RHOJ: variants seen among roughly 807,000 people sequenced by gnomAD.
The protein encoded by RHOJ is rho-related GTP-binding protein RhoJ.
In RHOJ, 11 loss-of-function variants were observed where a neutral mutation model predicts 23.4. That is an observed-to-expected ratio of 0.47 (90% CI 0.30 to 0.78). RHOJ has a LOEUF of 0.78. Among genes scored for constraint, RHOJ ranks in the 30% least tolerant of loss-of-function variants. The pLI, the probability that RHOJ is intolerant of heterozygous loss-of-function variation, is 0.08. For synonymous variants in RHOJ, 102 were observed against 102.7 expected, an observed-to-expected ratio of 0.99 and a Z score of 0.04; for missense variants, 254 against 273.4, an observed-to-expected ratio of 0.93 and a Z score of 0.50.
At chr14:63,266,565 T>C (rs1048511104) in intron 1 of RHOJ, among the ~76,000 whole-genome samples, 2 of 152,226 alleles carry the variant, frequency 1.3e-5, no homozygotes, top group Non-Finnish European at 2.9e-5. Context: ...TCCATGAGCA[T>C]GGAATGTTTT....
At chr14:63,208,153 A>G (rs1314316555) in intron 1 of RHOJ, among the ~76,000 whole-genome samples, 1 of 152,232 alleles carries the variant, frequency 6.6e-6, no homozygotes, top group Non-Finnish European at 1.5e-5. Flanking sequence ...GTTTTGCATG[A>G]GTAAAAACTA....
intron 1 of RHOJ, among the ~76,000 whole-genome samples, chr14:63,246,805 A>G (rs1360754153): frequency 1.3e-5 from 2 of 152,184 alleles, no homozygotes; most frequent in African/African-American, 4.8e-5. Flanking sequence ...CAGCCTAGGA[A>G]TCTAAACGTA....
chr14:63,222,618 G>A (rs901646919), intron 1 of RHOJ, among the ~76,000 whole-genome samples: 3 of 152,246 alleles, frequency 2.0e-5, no homozygotes, highest in African/African-American at 7.2e-5. Flanking sequence ...CTGTGTAAAT[G>A]TCTTCTTTTG....
intron 1 of RHOJ, among the ~76,000 whole-genome samples, chr14:63,260,847 T>C (rs1594769788): frequency 6.6e-6 from 1 of 151,210 alleles, no homozygotes; most frequent in East Asian, 1.9e-4. Flanking sequence ...GTACAGGTTT[T>C]TTTTTTTTAC....
At chr14:63,222,047 C>T (rs1371508060) in intron 1 of RHOJ, among the ~76,000 whole-genome samples, 1 of 143,954 alleles carries the variant, frequency 6.9e-6, no homozygotes, top group Non-Finnish European at 1.5e-5. Context: ...TTGTTCAATT[C>T]CCACCTATGA....
chr14:63,280,223 C>G lies in RHOJ; in HGVS notation c.238-748C>G, dbSNP rs1881854358. Among the ~76,000 whole-genome samples the G allele has an allele frequency of 2.6e-5, 4 of 152,220 alleles. No homozygotes were observed. In the South Asian group the frequency reaches 8.3e-4, roughly 32 times the overall value. On this transcript the variant is annotated intron_variant, in intron 2 of 4. Coordinates refer to ENST00000316754, the MANE Select transcript of RHOJ (RefSeq NM_020663.5). Reference sequence around the variant, plus strand: ...ATTTTTTTGTAGAGATAGGGTCTCGCTATATTGCCCAGGCTGATCTCAAGC... The same window carrying G: ...ATTTTTTTGTAGAGATAGGGTCTCGGTATATTGCCCAGGCTGATCTCAAGC...
At chr14:63,225,224 T>G (rs971528357) in intron 1 of RHOJ, among the ~76,000 whole-genome samples, 1 of 152,180 alleles carries the variant, frequency 6.6e-6, no homozygotes, top group East Asian at 1.9e-4. Flanking sequence ...GTGCTGAGAT[T>G]ACAGGCGCAA....
chr14:63,291,095 G>C lies in RHOJ; in HGVS notation c.*71G>C. The C allele has an allele frequency of 6.3e-7, 1 of 1,575,820 alleles. No homozygotes were observed. Among genetic ancestry groups the C allele is most frequent in the Non-Finnish European group, 8.7e-7 (1 of 1,150,512 alleles). On this transcript the variant is annotated 3_prime_UTR_variant, in exon 5 of 5. Transcript: ENST00000316754. ...AGCCAATCTCTGTGGCCAAGCTCCA[G>C]CCAAAAAGGAGGGCACGACCAGAAA... is the stretch of plus-strand genomic sequence containing the variant.
chr14:63,258,228 CAAAAA>C (rs1300550864), intron 1 of RHOJ, among the ~76,000 whole-genome samples: 1 of 69,040 alleles, frequency 1.4e-5, no homozygotes. Context: ...AACTCTGTCC[CAAAAA>C]AAAAAAAAAA....
intron 1 of RHOJ, among the ~76,000 whole-genome samples, chr14:63,251,242 C>T (rs1328106504): frequency 6.6e-6 from 1 of 152,120 alleles, no homozygotes; most frequent in African/African-American, 2.4e-5. Context: ...TAGCACCCAG[C>T]TTTGCCCCTG....
chr14:63,272,335 G>A (rs924765045), intron 2 of RHOJ, among the ~76,000 whole-genome samples: 2 of 152,190 alleles, frequency 1.3e-5, no homozygotes, highest in African/African-American at 4.8e-5. Flanking sequence ...GATAGCTAAA[G>A]AACACATATA....
intron 1 of RHOJ, among the ~76,000 whole-genome samples, chr14:63,256,391 A>G (rs1895165566): frequency 2.0e-5 from 3 of 152,332 alleles, no homozygotes; most frequent in Admixed American, 6.5e-5. Context: ...GAGCTTGTGG[A>G]TCAGAGTGCA....
At position 63,281,147 on chromosome 14, in the gene RHOJ, G is replaced by A. The variant is rs1282868947; in HGVS notation, c.402+12G>A. Reference sequence around the variant, plus strand: ...TCATAGGGACCCAGGTTAAAATGTGGGCGATGGCAGGGTGGAGCGGGCTGC... The same window carrying A: ...TCATAGGGACCCAGGTTAAAATGTGAGCGATGGCAGGGTGGAGCGGGCTGC... On this transcript the variant is annotated intron_variant, in intron 3 of 4. Coordinates refer to ENST00000316754, the MANE Select transcript of RHOJ (RefSeq NM_020663.5). The A allele has an allele frequency of 2.5e-6, 4 of 1,596,674 alleles. No individual in the cohort carries two copies. Among genetic ancestry groups the A allele is most frequent in the Non-Finnish European group, 3.4e-6 (4 of 1,172,192 alleles).
At chr14:63,276,815 A>T (rs742904) in intron 2 of RHOJ, among the ~76,000 whole-genome samples, 10,540 of 152,322 alleles carry the variant, frequency 0.069, 438 homozygotes, top group East Asian at 0.19. Flanking sequence ...TTAAAAAATC[A>T]GACAAGCATA....
intron 1 of RHOJ, among the ~76,000 whole-genome samples, chr14:63,238,243 T>TTTGC (rs949971788): frequency 2.9e-4 from 44 of 152,286 alleles, no homozygotes; most frequent in African/African-American, 4.8e-4. Flanking sequence ...TGTTTATTTG[T>TTTGC]TTGCTTGCTT....
intron 1 of RHOJ, among the ~76,000 whole-genome samples, chr14:63,245,087 A>C (rs1270898027): frequency 6.6e-6 from 1 of 152,228 alleles, no homozygotes; most frequent in African/African-American, 2.4e-5. Context: ...CTGAATAACT[A>C]AAATCCAAAC....
rs748552827 is a variant in RHOJ at position 63,205,043 on chromosome 14, T to C, written c.174T>C (p.Tyr58=). The change falls in exon 1 of 5, where the codon TAT becomes TAC. Residue 58 remains tyrosine, a synonymous_variant. Coordinates refer to ENST00000316754, the MANE Select transcript of RHOJ (RefSeq NM_020663.5). ...EEYVPTVFDH[Y]AVTVTVGGKQ... ...ACGTGCCCACTGTGTTTGACCACTA[T>C]GCAGGTAAGAAAAAGTGGGAAACTC... 3.7e-6 allele frequency: 6 copies of C among 1,612,300 alleles called. No individual in the cohort carries two copies. Among genetic ancestry groups the C allele is most frequent in the Admixed American group, 1.7e-5 (1 of 59,890 alleles).
intron 1 of RHOJ, among the ~76,000 whole-genome samples, chr14:63,257,206 C>G (rs1895184034): frequency 4.2e-5 from 6 of 144,512 alleles, no homozygotes; most frequent in Admixed American, 4.1e-4. Context: ...CCACTGTACT[C>G]CAGCCTGGGT....
chr14:63,275,203 A>G (rs1380309997), intron 2 of RHOJ, among the ~76,000 whole-genome samples: 1 of 152,168 alleles, frequency 6.6e-6, no homozygotes, highest in African/African-American at 2.4e-5. Flanking sequence ...CTGTAGTCCC[A>G]GCTACTTGGG....
Sources: allele counts gnomAD v4.1 joint callset (sites outside exome capture counted in the v4.1 genomes callset), GRCh38; gene constraint gnomAD v4.1.1; transcripts MANE v1.5; gene names NCBI Gene and HGNC (gene_info 2026-07-23, HGNC 2026-07-21).